FBN3: variants seen among roughly 807,000 people sequenced by gnomAD.
The protein encoded by FBN3 is fibrillin-3.
Under a neutral mutation model 330.1 loss-of-function variants are expected in FBN3, and 234 were observed. That is an observed-to-expected ratio of 0.71 (90% CI 0.64 to 0.79). FBN3 has a LOEUF of 0.79. Among genes scored for constraint, FBN3 ranks in the 30% least tolerant of loss-of-function variants. The probability of loss-of-function intolerance (pLI) is 0.00; values close to 1 mark genes in which losing one functional copy is unlikely to be tolerated. For synonymous variants in FBN3, 1,458 were observed against 1,517.3 expected (o/e 0.96, Z 0.91); for missense variants, 3,606 against 3,886.9 (o/e 0.93, Z 1.92).
chr19:8,116,826 C>T (rs1424202524), intron 28 of FBN3, 27 bp from the exon 29 acceptor site: 2 of 1,607,834 alleles, frequency 1.2e-6, no homozygotes, highest in Non-Finnish European at 1.7e-6. Context: ...GGGGACTGTG[C>T]TTAGCTTTGC....
chr19:8,145,417 A>T (rs1312210732), intron 5 of FBN3, among the ~76,000 whole-genome samples: 1 of 145,272 alleles, frequency 6.9e-6, no homozygotes, highest in Non-Finnish European at 1.5e-5. Flanking sequence ...ACGGTAGCTC[A>T]CGCCTGTAAT....
At chr19:8,118,451 C>A (rs751709133) in intron 26 of FBN3, among the ~76,000 whole-genome samples, 7 of 152,120 alleles carry the variant, frequency 4.6e-5, no homozygotes, top group Non-Finnish European at 1.0e-4. Flanking sequence ...CAGACTGGGA[C>A]CCTGTCTCAA....
chr19:8,099,336 A>G (rs146727379), intron 41 of FBN3, among the ~76,000 whole-genome samples: 5,766 of 140,244 alleles, frequency 0.041, 364 homozygotes, highest in African/African-American at 0.14. Context: ...GCTAGAGTAC[A>G]GTGGCACGAT....
intron 58 of FBN3, 119 bp downstream of exon 58, chr19:8,081,239 G>A: frequency 1.1e-5 from 16 of 1,484,926 alleles, no homozygotes; most frequent in Non-Finnish European, 1.5e-5. Context: ...CTCGGAGATG[G>A]TGCTTGACTC....
chr19:8,146,298 G>A (rs2083544778), intron 3 of FBN3, 73 bp from the exon 4 acceptor site: 2 of 1,326,930 alleles, frequency 1.5e-6, no homozygotes, highest in Admixed American at 4.0e-5. Flanking sequence ...TGGTGTCCGG[G>A]CTGGCCGGAA....
intron 8 of FBN3, among the ~76,000 whole-genome samples, chr19:8,140,496 T>A (rs1384614767): frequency 6.6e-6 from 1 of 152,210 alleles, no homozygotes; most frequent in African/African-American, 2.4e-5. Context: ...CTGTCATTGC[T>A]GTAAGTACAT....
At chr19:8,085,256 C>G (rs1033038167) in intron 56 of FBN3, 107 bp downstream of exon 56, 5 of 868,426 alleles carry the variant, frequency 5.8e-6, no homozygotes, top group African/African-American at 5.3e-5. Flanking sequence ...CACACACACA[C>G]AGTGTGGCTC....
At chr19:8,111,302 C>T in intron 32 of FBN3, 119 bp from the exon 33 acceptor site, 1 of 1,278,160 alleles carries the variant, frequency 7.8e-7, no homozygotes, top group Admixed American at 2.5e-5. Context: ...GGCAAGTAGC[C>T]CTGGGGACTC....
At chr19:8,073,736 G>C (rs919800760) in intron 61 of FBN3, among the ~76,000 whole-genome samples, 6 of 152,214 alleles carry the variant, frequency 3.9e-5, no homozygotes, top group Non-Finnish European at 8.8e-5. Flanking sequence ...CTGGAGTGCA[G>C]TGGTGCAACC....
chr19:8,080,567 G>C (rs17202419), intron 59 of FBN3, among the ~76,000 whole-genome samples: 1 of 152,088 alleles, frequency 6.6e-6, no homozygotes, highest in Non-Finnish European at 1.5e-5. Context: ...AGGAAGTAAC[G>C]ACTTTGTTCT....
chr19:8,091,437 C>T lies in FBN3; in HGVS notation c.6031+28G>A, dbSNP rs557924488. The T allele has an allele frequency of 1.0e-4, 168 of 1,612,398 alleles. No individual in the cohort carries two copies. In the South Asian group the frequency reaches 1.7e-3, roughly 17 times the overall value. On this transcript the variant is annotated intron_variant, in intron 48 of 63. Coordinates refer to ENST00000600128, the MANE Select transcript of FBN3 (RefSeq NM_032447.5). Reference sequence around the variant, plus strand: ...ACCCTTCCCCGCCCCACTTCCCACCCTCTTCCCTAAGCCCTGTGTGGACTT... The same window carrying T: ...ACCCTTCCCCGCCCCACTTCCCACCTTCTTCCCTAAGCCCTGTGTGGACTT...
At chr19:8,138,664 G>T in intron 8 of FBN3, 100 bp from the exon 9 acceptor site, 1 of 1,262,832 alleles carries the variant, frequency 7.9e-7, no homozygotes, top group Non-Finnish European at 1.1e-6. Flanking sequence ...GGACGGGTCT[G>T]TTTGCCGCTC....
At chr19:8,081,151 C>T (rs1286304846) in intron 58 of FBN3, 32 bp from the exon 59 acceptor site, 1 of 1,593,304 alleles carries the variant, frequency 6.3e-7, no homozygotes, top group Non-Finnish European at 8.6e-7. Flanking sequence ...AGGCTCAGGG[C>T]AGGGCCCAGT....
chr19:8,134,253 A>ATAAATAAAT (rs58172801), intron 13 of FBN3, among the ~76,000 whole-genome samples: 106,033 of 148,830 alleles, frequency 0.71, 38,415 homozygotes, highest in Middle Eastern at 0.83. Context: ...AAATAAATAA[A>ATAAATAAAT]TAAATAAAAT....
In FBN3 at chr19:8,069,130, G is replaced by T. The variant is rs76732383; in HGVS notation, c.8089-2870C>A. Among the ~76,000 whole-genome samples the T allele has an allele frequency of 7.9e-3, 1,205 of 152,254 alleles. 17 individuals carry two copies. Among genetic ancestry groups the T allele is most frequent in the African/African-American group, 0.028 (1,149 of 41,532 alleles). ...GTGAGAGAAACGGGATGCCAAGCAG[G>T]GCTGGAGAGGAGAGCGTAAAGGACC... is the stretch of plus-strand genomic sequence containing the variant. On this transcript the variant is annotated intron_variant, in intron 63 of 63. Coordinates refer to ENST00000600128, the MANE Select transcript of FBN3 (RefSeq NM_032447.5).
At chr19:8,073,417 C>A (rs939944335) in intron 61 of FBN3, 120 bp from the exon 62 acceptor site, 2 of 777,792 alleles carry the variant, frequency 2.6e-6, no homozygotes, top group African/African-American at 1.8e-5. Context: ...ATGCCAAACT[C>A]TTCAGCAAGC....
rs1288642196 is a variant in FBN3 at position 8,131,268 on chromosome 19, T to A, written c.2011A>T (p.Ser671Cys). 1 of 1,612,030 alleles carries A rather than the reference T, an allele frequency of 6.2e-7. No homozygotes were observed. Among genetic ancestry groups the A allele is most frequent in the Admixed American group, 1.7e-5 (1 of 59,766 alleles). The change falls in exon 16 of 64, where the codon AGC (serine) becomes TGC (cysteine). Residue 671 changes from serine to cysteine, a missense_variant. Coordinates refer to ENST00000600128, the MANE Select transcript of FBN3 (RefSeq NM_032447.5). The surrounding 1 kb of genome is among the most constrained non-coding windows in gnomAD (Gnocchi z 4.5). Reference protein sequence around the residue: ...KDSAEFQALCSSGLGITTDGR... With the variant: ...KDSAEFQALCCSGLGITTDGR... ...TCCGTGGTAATGCCAAGCCCACTGC[T>A]GCACAGTGCCTGGAACTCAGCTGGG...
At chr19:8,091,964 C>G (rs62124735) in intron 47 of FBN3, among the ~76,000 whole-genome samples, 18,267 of 151,702 alleles carry the variant, frequency 0.12, 1,149 homozygotes, top group East Asian at 0.13. Context: ...GGTGGATCAC[C>G]AGGTCAGGAG....
intron 38 of FBN3, among the ~76,000 whole-genome samples, chr19:8,104,605 T>C (rs1481399437): frequency 2.0e-5 from 3 of 152,172 alleles, no homozygotes; most frequent in African/African-American, 4.8e-5. Flanking sequence ...TAATATGATA[T>C]GATAGGAATC....
Sources: allele counts gnomAD v4.1 joint callset (sites outside exome capture counted in the v4.1 genomes callset), GRCh38; gene constraint gnomAD v4.1.1; non-coding constraint Gnocchi (gnomAD v3.1); transcripts MANE v1.5; gene names NCBI Gene and HGNC (gene_info 2026-07-23, HGNC 2026-07-21).